Variants in DTNB observed in about 807,000 individuals in gnomAD.
The protein encoded by DTNB is dystrobrevin beta.
DTNB carries 63 observed loss-of-function variants against 90.7 expected under a neutral mutation model. The ratio of observed to expected loss-of-function variants is 0.69; its 90% confidence interval spans 0.57 to 0.86. DTNB has a LOEUF of 0.86. Among genes scored for constraint, DTNB ranks in the 40% least tolerant of loss-of-function variants. The probability of loss-of-function intolerance (pLI) is 0.00; values close to 1 mark genes in which losing one functional copy is unlikely to be tolerated. For missense variants in DTNB, 744 were observed against 807.1 expected, an observed-to-expected ratio of 0.92 and a Z score of 0.95; for synonymous variants, 277 against 286.7, an observed-to-expected ratio of 0.97 and a Z score of 0.34.
intron 1 of DTNB, among the ~76,000 whole-genome samples, chr2:25,670,453 C>T (rs1403560554): frequency 6.6e-6 from 1 of 152,100 alleles, no homozygotes; most frequent in Non-Finnish European, 1.5e-5. Flanking sequence ...ACCACAAAAA[C>T]TGATAACTTG....
chr2:25,526,393 ATATT>A (rs1265824485), intron 9 of DTNB, among the ~76,000 whole-genome samples: 22 of 59,428 alleles, frequency 3.7e-4, no homozygotes, highest in South Asian at 1.1e-3. Context: ...ATATATATAT[ATATT>A]TTTTTTTTTT....
chr2:25,625,551 A>ATTTTTTTTTTTTT (rs66586812), intron 4 of DTNB, among the ~76,000 whole-genome samples: 254 of 73,848 alleles, frequency 3.4e-3, no homozygotes, highest in African/African-American at 3.8e-3. Context: ...TAACTCACTC[A>ATTTTTTTTTTTTT]TTTTTTTTTT....
chr2:25,598,002 T>A lies in DTNB; in HGVS notation c.449-1762A>T, dbSNP rs149540931. The stretch of plus-strand genomic sequence containing the variant: ...GCCAGTAGCCACATTATCCTCTTCT[T>A]CCTTAGTAACAGAACACTAATTTTA... On this transcript the variant is annotated intron_variant, in intron 5 of 20. Coordinates refer to ENST00000406818, the MANE Select transcript of DTNB (RefSeq NM_021907.5). Among the ~76,000 whole-genome samples the A allele has an allele frequency of 4.1e-4, 62 of 152,340 alleles. No individual in the cohort carries two copies. In the East Asian group the frequency reaches 8.7e-3, roughly 21 times the overall value.
At chr2:25,518,435 T>C (rs1004012515) in intron 9 of DTNB, among the ~76,000 whole-genome samples, 7 of 152,124 alleles carry the variant, frequency 4.6e-5, no homozygotes, top group Non-Finnish European at 8.8e-5. Context: ...CATAATGCTG[T>C]TTCTCCTCAC....
chr2:25,495,979 G>C (rs1328139090), intron 9 of DTNB, among the ~76,000 whole-genome samples: 1 of 152,138 alleles, frequency 6.6e-6, no homozygotes, highest in African/African-American at 2.4e-5. Flanking sequence ...TGTGGTATCA[G>C]ACTTGTTTAA....
intron 7 of DTNB, among the ~76,000 whole-genome samples, chr2:25,577,333 AG>A (rs1356562451): frequency 6.6e-6 from 1 of 152,144 alleles, no homozygotes; most frequent in African/African-American, 2.4e-5. Flanking sequence ...GTTACTCAGG[AG>A]GCTGAGGCAC....
chr2:25,463,602 T>A (rs1304536635), intron 10 of DTNB, among the ~76,000 whole-genome samples: 1 of 152,236 alleles, frequency 6.6e-6, no homozygotes, highest in African/African-American at 2.4e-5. Context: ...GTACAGTGTG[T>A]GAGTTATATC....
chr2:25,451,226 T>G (rs1186811783), intron 12 of DTNB, among the ~76,000 whole-genome samples: 1 of 152,244 alleles, frequency 6.6e-6, no homozygotes, highest in Non-Finnish European at 1.5e-5. Context: ...TTTATACCCC[T>G]TTCTTCTTGT....
intron 16 of DTNB, among the ~76,000 whole-genome samples, chr2:25,392,082 A>G (rs1037767436): frequency 1.4e-4 from 22 of 152,146 alleles, no homozygotes; most frequent in African/African-American, 4.8e-4. Flanking sequence ...ACTAAATGAA[A>G]CTGAAACACA....
chr2:25,463,183 C>T (rs1257776977), intron 10 of DTNB, among the ~76,000 whole-genome samples: 4 of 152,144 alleles, frequency 2.6e-5, no homozygotes, highest in Admixed American at 6.5e-5. Context: ...TGATTCTTTC[C>T]ACCCCACCTC....
chr2:25,602,084 T>C (rs2066008540), intron 5 of DTNB, among the ~76,000 whole-genome samples: 1 of 151,576 alleles, frequency 6.6e-6, no homozygotes, highest in African/African-American at 2.4e-5. Flanking sequence ...ATCACACCAC[T>C]GCACTCCAGC....
intron 1 of DTNB, among the ~76,000 whole-genome samples, chr2:25,668,660 G>T (rs1022416458): frequency 3.3e-5 from 5 of 152,226 alleles, no homozygotes; most frequent in African/African-American, 1.2e-4. Flanking sequence ...ATATGGGAAA[G>T]AGTGGGTATA....
chr2:25,436,127 G>T (rs1366198210), intron 12 of DTNB, among the ~76,000 whole-genome samples: 1 of 152,198 alleles, frequency 6.6e-6, no homozygotes, highest in Non-Finnish European at 1.5e-5. Flanking sequence ...ATGAGGTCAG[G>T]AGTTCAAGAC....
chr2:25,539,577 CTT>C (rs376900916), intron 8 of DTNB, among the ~76,000 whole-genome samples: 109 of 123,278 alleles, frequency 8.8e-4, no homozygotes, highest in Non-Finnish European at 1.0e-3. Flanking sequence ...ACTGGATTGC[CTT>C]TTTTTTTTTT....
In DTNB at chr2:25,628,339, T is replaced by C. The variant is rs369659909; in HGVS notation, c.194A>G (p.Asn65Ser). 1.6e-5 allele frequency: 26 copies of C among 1,613,478 alleles called. No homozygotes were observed. The highest frequency in any genetic ancestry group is 2.2e-5 in the South Asian group (2 of 91,006). ...IWNMIEAFRD[N>S]GLNTLDHTTE... ...GGTATGGTCCAGTGTATTAAGGCCATTGTCTCGGAAGGCTTCAATCATGTT... is the reference window on the plus strand; with the variant it reads ...GGTATGGTCCAGTGTATTAAGGCCACTGTCTCGGAAGGCTTCAATCATGTT... Residue 65 changes from asparagine (N) to serine (S), a missense_variant, in exon 4 of 21, where the codon AAT becomes AGT. By Grantham distance (46) the Asn-to-Ser change is conservative. Coordinates refer to ENST00000406818, the MANE Select transcript of DTNB (RefSeq NM_021907.5).
intron 16 of DTNB, among the ~76,000 whole-genome samples, chr2:25,414,398 A>C (rs1283564848): frequency 6.6e-6 from 1 of 152,124 alleles, no homozygotes; most frequent in Admixed American, 6.5e-5. Flanking sequence ...CTGGGACTAC[A>C]GGTGCACAAC....
Position 25,641,071 on chromosome 2 carries a change from C to T in DTNB, c.68-1977G>A, listed in dbSNP as rs548433906. Among the ~76,000 whole-genome samples the T allele has an allele frequency of 4.0e-5, 6 of 151,738 alleles. No individual in the cohort carries two copies. In the South Asian group the frequency reaches 1.0e-3, roughly 26 times the overall value. On this transcript the variant is annotated intron_variant, in intron 2 of 20. Coordinates refer to ENST00000406818, the MANE Select transcript of DTNB (RefSeq NM_021907.5). The stretch of plus-strand genomic sequence containing the variant: ...CGCTCCAGCCAAGTTTGCCAGAGAT[C>T]TCTACACTGAAGTTTCAGGTACAGT...
intron 9 of DTNB, among the ~76,000 whole-genome samples, chr2:25,522,589 T>G (rs2076346721): frequency 6.6e-6 from 1 of 152,184 alleles, no homozygotes; most frequent in Non-Finnish European, 1.5e-5. Flanking sequence ...CTTTAAAAGT[T>G]TATAGCCTTC....
At chr2:25,473,937 G>T (rs965634668) in intron 10 of DTNB, among the ~76,000 whole-genome samples, 2 of 152,186 alleles carry the variant, frequency 1.3e-5, no homozygotes, top group African/African-American at 2.4e-5. Context: ...TCTGCCGATG[G>T]TCTATGACGG....
Sources: allele counts gnomAD v4.1 joint callset (sites outside exome capture counted in the v4.1 genomes callset), GRCh38; gene constraint gnomAD v4.1.1; transcripts MANE v1.5; gene names NCBI Gene and HGNC (gene_info 2026-07-23, HGNC 2026-07-21).